Variants in MYOM1 observed in about 807,000 individuals in gnomAD.
The protein encoded by MYOM1 is myomesin 1.
A neutral mutation model predicts 205.3 loss-of-function variants in MYOM1; 164 were observed. That is an observed-to-expected ratio of 0.80 (90% CI 0.70 to 0.91). MYOM1 has a LOEUF of 0.91. Ranked by LOEUF, MYOM1 falls within the 40% of genes least tolerant of loss-of-function variation. The probability of loss-of-function intolerance (pLI) is 0.00; values close to 1 mark genes in which losing one functional copy is unlikely to be tolerated. For synonymous variants in MYOM1, 772 were observed against 789.4 expected (o/e 0.98, Z 0.37); for missense variants, 2,011 against 2,127.3 (o/e 0.95, Z 1.08).
intron 8 of MYOM1, 43 bp from the exon 9 acceptor site, chr18:3,169,024 C>G: frequency 6.6e-7 from 1 of 1,504,520 alleles, no homozygotes. Flanking sequence ...TTTTCTTCAT[C>G]AAAGAGACAC....
At position 3,163,979 on chromosome 18, in the gene MYOM1, A is replaced by G. The variant is rs144389189; in HGVS notation, c.1501+299T>C. ...GTGATCCTCCCTCTTCAGCCTCCCA[A>G]GTAGCTGGGACCACAGGTGCATGCC... is the stretch of plus-strand genomic sequence containing the variant. On this transcript the variant is annotated intron_variant, in intron 10 of 37. Coordinates refer to ENST00000356443, the MANE Select transcript of MYOM1 (RefSeq NM_003803.4). Among the ~76,000 whole-genome samples, 439 of 151,976 alleles carry G rather than the reference A, an allele frequency of 2.9e-3. 4 individuals carry two copies. The highest frequency in any genetic ancestry group is 0.027 in the Middle Eastern group (8 of 294).
At chr18:3,166,916 G>A (rs2080480478) in intron 9 of MYOM1, among the ~76,000 whole-genome samples, 1 of 152,214 alleles carries the variant, frequency 6.6e-6, no homozygotes, top group Admixed American at 6.5e-5. Flanking sequence ...AATAAACCTA[G>A]AGAAAACTTT....
rs201979586 is a variant in MYOM1 at position 3,071,858 on chromosome 18, G to C, written c.4740C>G (p.Asp1580Glu). Residue 1580 changes from aspartate to glutamate, a missense_variant, in exon 37 of 38, where the codon GAC (aspartate) becomes GAG (glutamate). Coordinates refer to ENST00000356443, the MANE Select transcript of MYOM1 (RefSeq NM_003803.4). ...NRARVLGGLP[D>E]VVTIQEGKAL... is the part of the protein sequence containing the mutation. Reference sequence around the variant, plus strand: ...CCTTCCCCTCCTGGATGGTGACCACGTCTGGGAGACCTCCCAACACCCGGG... The same window carrying C: ...CCTTCCCCTCCTGGATGGTGACCACCTCTGGGAGACCTCCCAACACCCGGG... 2 of 1,604,970 alleles carry C rather than the reference G, an allele frequency of 1.2e-6. No homozygotes were observed. The highest frequency in any genetic ancestry group is 3.4e-5 in the Admixed American group (2 of 59,020).
intron 22 of MYOM1, among the ~76,000 whole-genome samples, chr18:3,109,928 C>T (rs532914790): frequency 1.8e-3 from 278 of 152,262 alleles, no homozygotes; most frequent in Non-Finnish European, 3.2e-3. Context: ...CCAATGATCC[C>T]TCCAAGGCTT....
intron 13 of MYOM1, among the ~76,000 whole-genome samples, chr18:3,148,622 C>T (rs1437790472): frequency 5.9e-5 from 9 of 151,754 alleles, no homozygotes; most frequent in East Asian, 5.8e-4. Flanking sequence ...CCGAGACGGG[C>T]GGATCACGAG....
At chr18:3,206,772 A>C (rs2144228809) in intron 2 of MYOM1, among the ~76,000 whole-genome samples, 1 of 152,294 alleles carries the variant, frequency 6.6e-6, no homozygotes, top group East Asian at 1.9e-4. Flanking sequence ...AGAAAGCTGA[A>C]GAGTCCTCTT....
chr18:3,201,423 T>C (rs1193222849), intron 2 of MYOM1, among the ~76,000 whole-genome samples: 1 of 151,028 alleles, frequency 6.6e-6, no homozygotes, highest in African/African-American at 2.4e-5. Context: ...AAAAAAAGAC[T>C]AAAGGTAATT....
intron 18 of MYOM1, 144 bp from the exon 19 acceptor site, chr18:3,127,041 T>C: frequency 1.5e-6 from 1 of 669,966 alleles, no homozygotes; most frequent in South Asian, 2.1e-5. Flanking sequence ...GGCATTGAAC[T>C]TGGTGAATGC....
At chr18:3,107,076 CAA>C (rs2079460651) in intron 22 of MYOM1, among the ~76,000 whole-genome samples, 1 of 151,892 alleles carries the variant, frequency 6.6e-6, no homozygotes, top group Non-Finnish European at 1.5e-5. Context: ...ATAAAGGAAA[CAA>C]ATAAAAACTA....
chr18:3,240,159 A>C, the MYOM1 span, among the ~76,000 whole-genome samples: 7 of 152,270 alleles, frequency 4.6e-5, no homozygotes, highest in Admixed American at 2.6e-4. Context: ...TAATTTAATC[A>C]CTACGTTTAT....
At chr18:3,085,226 CTGCTTTTTTTTTTTTTTTTTTTTTTTTT>C in intron 30 of MYOM1, 94 bp from the exon 31 acceptor site, 2 of 203,002 alleles carry the variant, frequency 9.9e-6, no homozygotes, top group South Asian at 6.0e-5. Context: ...TCTGCTGCTG[CTGCTTTTTTTTTTTTTTTTTTTTTTTTT>C]TTTTTTTTTT....
chr18:3,129,140 A>G, intron 18 of MYOM1, 92 bp downstream of exon 18: 1 of 1,440,054 alleles, frequency 6.9e-7, no homozygotes, highest in Non-Finnish European at 9.3e-7. Context: ...ACATTGATGA[A>G]AGCAAACATG....
At chr18:3,193,347 CATAT>C (rs546949478) in intron 3 of MYOM1, among the ~76,000 whole-genome samples, 3 of 140,762 alleles carry the variant, frequency 2.1e-5, no homozygotes, top group African/African-American at 8.3e-5. Flanking sequence ...TGTACATATA[CATAT>C]ATATATATAT....
chr18:3,132,044 T>C (rs1190371991), intron 16 of MYOM1, among the ~76,000 whole-genome samples: 1 of 147,382 alleles, frequency 6.8e-6, no homozygotes, highest in African/African-American at 2.5e-5. Flanking sequence ...TATATATGTA[T>C]ATATAATAAT....
At chr18:3,107,617 T>C (rs1440450494) in intron 22 of MYOM1, among the ~76,000 whole-genome samples, 1 of 152,244 alleles carries the variant, frequency 6.6e-6, no homozygotes, top group Non-Finnish European at 1.5e-5. Context: ...TTTAAGATTA[T>C]GACATTTATT....
Position 3,067,252 on chromosome 18 carries a change from G to T in MYOM1, c.*10C>A. On this transcript the variant is annotated 3_prime_UTR_variant, in exon 38 of 38. Transcript: ENST00000356443. ...TCACACAGGCCGGCTGGCTCTCCTC[G>T]CACCTCCGGTCACTTGGCCTTCTTG... is the stretch of plus-strand genomic sequence containing the variant. 1 of 1,580,562 alleles carries T rather than the reference G, an allele frequency of 6.3e-7. No individual in the cohort carries two copies. Among genetic ancestry groups the T allele is most frequent in the Non-Finnish European group, 8.6e-7 (1 of 1,163,266 alleles).
At chr18:3,177,564 C>T (rs533699573) in intron 5 of MYOM1, among the ~76,000 whole-genome samples, 4 of 151,866 alleles carry the variant, frequency 2.6e-5, no homozygotes, top group African/African-American at 7.2e-5. Context: ...CTCCACCTCC[C>T]GGGTTCAAGT....
In MYOM1 at chr18:3,164,342, G is replaced by C. The variant is rs1237953244; in HGVS notation, c.1437C>G (p.Leu479=). Residue 479 remains leucine, a synonymous_variant, in exon 10 of 38, where the codon CTC becomes CTG. Coordinates refer to ENST00000356443, the MANE Select transcript of MYOM1 (RefSeq NM_003803.4). ...CTCCCATCCGTACACGGATTGTATA[G>C]AGGCCTTCATCTTCTTTGTTGAGAT... The part of the protein sequence containing the change: ...FSHLNKEDEG[L]YTIRVRMGEY... 1.2e-6 allele frequency: 2 copies of C among 1,612,552 alleles called. No individual in the cohort carries two copies. Among genetic ancestry groups the C allele is most frequent in the South Asian group, 2.2e-5 (2 of 90,660 alleles).
At chr18:3,215,460 C>T (rs186226398) in intron 1 of MYOM1, among the ~76,000 whole-genome samples, 158 of 151,952 alleles carry the variant, frequency 1.0e-3, no homozygotes, top group African/African-American at 3.5e-3. Flanking sequence ...AAAAATTAGC[C>T]GGGTGTGGTG....
Sources: allele counts gnomAD v4.1 joint callset (sites outside exome capture counted in the v4.1 genomes callset), GRCh38; gene constraint gnomAD v4.1.1; transcripts MANE v1.5; gene names NCBI Gene and HGNC (gene_info 2026-07-23, HGNC 2026-07-21).